The following TACC2 variants were observed in gnomAD, a reference collection of about 807,000 sequenced individuals.
TACC2 encodes the protein transforming acidic coiled-coil containing protein 2, also known as transforming acidic coiled-coil-containing protein 2.
Under a neutral mutation model 227.3 loss-of-function variants are expected in TACC2, and 137 were observed. The observed-to-expected ratio is 0.60, with a 90% CI of 0.52 to 0.69. The LOEUF is 0.69. Among genes scored for constraint, TACC2 ranks in the 30% least tolerant of loss-of-function variants. TACC2 has a pLI of 0.00. For synonymous variants in TACC2, 1,523 were observed against 1,487.5 expected, an observed-to-expected ratio of 1.02 and a Z score of -0.55; for missense variants, 3,470 against 3,694.4, an observed-to-expected ratio of 0.94 and a Z score of 1.57.
At chr10:122,218,047 C>T (rs148354911) in intron 11 of TACC2, among the ~76,000 whole-genome samples, 1,584 of 152,184 alleles carry the variant, frequency 0.01, 26 homozygotes, top group African/African-American at 0.037. Context: ...TGGGTTCAAG[C>T]GATTCTCCTG....
At chr10:122,066,107 T>C (rs2077353363) in intron 3 of TACC2, among the ~76,000 whole-genome samples, 1 of 151,946 alleles carries the variant, frequency 6.6e-6, no homozygotes, top group Non-Finnish European at 1.5e-5. Flanking sequence ...ATACTTTTTT[T>C]TTTTTTTGAG....
chr10:122,150,142 G>A lies in TACC2; in HGVS notation c.5834+6436G>A, dbSNP rs1165330810. 6.6e-6 allele frequency among the ~76,000 whole-genome samples: 1 copy of A among 152,236 alleles called. No individual in the cohort carries two copies. The highest frequency in any genetic ancestry group is 1.5e-5 in the Non-Finnish European group (1 of 68,040). On this transcript the variant is annotated intron_variant, in intron 7 of 22. Transcript: ENST00000369005. The surrounding 1 kb of genome is among the most constrained non-coding windows in gnomAD (Gnocchi z 4.0). ...CTGGGAGGGGAGGGGAAGGAGAGCC[G>A]GCAGCAGCGGGGCTCCCTGGCCCTA... is the stretch of plus-strand genomic sequence containing the variant.
At position 122,237,405 on chromosome 10, in the gene TACC2, C is replaced by T; in HGVS notation, c.8138C>T (p.Ala2713Val). 6.2e-7 allele frequency: 1 copy of T among 1,610,280 alleles called. No individual in the cohort carries two copies. The highest frequency in any genetic ancestry group is 8.5e-7 in the Non-Finnish European group (1 of 1,178,262). The change falls in exon 17 of 23, where the codon GCT becomes GTT. Residue 2713 changes from alanine to valine, a missense_variant. By Grantham distance (64) the Ala-to-Val change is moderately conservative. Transcript: ENST00000369005. The part of the protein sequence containing the change: ...RSHQDAKREA[A>V]HPTDVSISKT... The stretch of plus-strand genomic sequence containing the variant: ...AAAACGATTCCACAGAGAGAGGCTG[C>T]TCACCCAACAGACGTCTCCATCTCC...
intron 7 of TACC2, among the ~76,000 whole-genome samples, chr10:122,181,913 G>A (rs549311928): frequency 1.3e-5 from 2 of 152,288 alleles, no homozygotes; most frequent in South Asian, 4.1e-4. Context: ...TAGAAGAAAG[G>A]AACAAAAGAT....
intron 5 of TACC2, among the ~76,000 whole-genome samples, chr10:122,103,218 A>G (rs2082369218): frequency 6.6e-6 from 1 of 152,126 alleles, no homozygotes; most frequent in African/African-American, 2.4e-5. Context: ...TGACATGTCT[A>G]GAGTATATAA....
At chr10:122,218,250 AAC>A in intron 11 of TACC2, among the ~76,000 whole-genome samples, 1 of 152,156 alleles carries the variant, frequency 6.6e-6, no homozygotes, top group Non-Finnish European at 1.5e-5. Flanking sequence ...ACCGATTTCT[AAC>A]AGTTTTTTTG....
intron 5 of TACC2, among the ~76,000 whole-genome samples, chr10:122,129,057 T>TA (rs756746999): frequency 0.049 from 6,063 of 124,502 alleles, 192 homozygotes; most frequent in South Asian, 0.12. Context: ...TCTATCTTAT[T>TA]TTAATTATTA....
intron 7 of TACC2, among the ~76,000 whole-genome samples, chr10:122,173,105 C>T (rs2093557241): frequency 6.6e-6 from 1 of 152,148 alleles, no homozygotes; most frequent in African/African-American, 2.4e-5. Flanking sequence ...GGGCATATAT[C>T]GCCTGTGCCT....
Position 122,088,518 on chromosome 10 carries a change from C to A in TACC2, c.5500C>A (p.Pro1834Thr). Reference sequence around the variant, plus strand: ...TGGCCCATCCATGTTACCTTCGGTTCCTAAGAAGGATGCTCCAAGAGTCAT... The same window carrying A: ...TGGCCCATCCATGTTACCTTCGGTTACTAAGAAGGATGCTCCAAGAGTCAT... ...RPGPSMLPSV[P>T]KKDAPRVMDK... The change falls in exon 5 of 23, where the codon CCT (proline) becomes ACT (threonine). Residue 1834 changes from proline to threonine, a missense_variant. By Grantham distance (38) the Pro-to-Thr change is conservative. This residue lies in a region of TACC2 where 1,924 missense variants were observed against 1,978.3 expected (regional missense o/e 0.97). Coordinates refer to ENST00000369005, the MANE Select transcript of TACC2 (RefSeq NM_206862.4). 1 of 1,613,720 alleles carries A rather than the reference C, an allele frequency of 6.2e-7. No individual in the cohort carries two copies. Among genetic ancestry groups the A allele is most frequent in the South Asian group, 1.1e-5 (1 of 90,924 alleles).
intron 3 of TACC2, among the ~76,000 whole-genome samples, chr10:122,073,129 ATATATATATAT>A (rs2078323294): frequency 1.8e-5 from 1 of 55,778 alleles, no homozygotes; most frequent in Non-Finnish European, 3.7e-5. Flanking sequence ...AAAAAAAAAT[ATATATATATAT>A]ATATATATAT....
intron 7 of TACC2, chr10:122,192,390 C>T (rs2094439061): frequency 3.6e-6 from 1 of 277,840 alleles, no homozygotes; most frequent in African/African-American, 2.2e-5. Flanking sequence ...CTCCCTGTTG[C>T]TTGCTTGTGC....
intron 8 of TACC2, among the ~76,000 whole-genome samples, chr10:122,206,654 G>T (rs193020284): frequency 1.8e-4 from 27 of 152,302 alleles, no homozygotes; most frequent in African/African-American, 6.3e-4. Flanking sequence ...TGGCAGCCCA[G>T]CAAGCTCATG....
At position 122,241,967 on chromosome 10, in the gene TACC2, G is replaced by A. The variant is rs2096006018; in HGVS notation, c.8358G>A (p.Val2786=). The A allele has an allele frequency of 6.2e-7, 1 of 1,614,016 alleles. No homozygotes were observed. Among genetic ancestry groups the A allele is most frequent in the African/African-American group, 1.3e-5 (1 of 74,910 alleles). The change falls in exon 19 of 23, where the codon GTG becomes GTA. Residue 2786 remains valine (V), a synonymous_variant. Transcript: ENST00000369005. ...TTTACTTCTCTTATAGGAAAATAGT[G>A]GCCGAGTATGAGAAGACCATCGCTC... ...RREVMEMRKI[V]AEYEKTIAQM...
intron 1 of TACC2, among the ~76,000 whole-genome samples, chr10:121,999,550 G>C (rs1954011204): frequency 6.6e-6 from 1 of 152,224 alleles, no homozygotes; most frequent in Non-Finnish European, 1.5e-5. Context: ...TGATATTACT[G>C]TTTGCAGGGC....
At chr10:122,116,718 A>G (rs541042858) in intron 5 of TACC2, among the ~76,000 whole-genome samples, 17 of 152,256 alleles carry the variant, frequency 1.1e-4, no homozygotes, top group African/African-American at 3.6e-4. Context: ...GGGGAGCTCA[A>G]TTTCCTAACA....
chr10:122,208,423 A>C (rs1482901264), intron 8 of TACC2, among the ~76,000 whole-genome samples: 1 of 152,154 alleles, frequency 6.6e-6, no homozygotes. Context: ...CTTGGTAAGC[A>C]CTCTGCAGAA....
At chr10:122,241,066 G>A (rs1279094034) in intron 18 of TACC2, among the ~76,000 whole-genome samples, 1 of 152,202 alleles carries the variant, frequency 6.6e-6, no homozygotes, top group Non-Finnish European at 1.5e-5. Flanking sequence ...GACACCATTT[G>A]AATTGGACCT....
intron 7 of TACC2, among the ~76,000 whole-genome samples, chr10:122,190,256 A>G (rs559257713): frequency 1.3e-5 from 2 of 152,320 alleles, no homozygotes; most frequent in East Asian, 3.9e-4. Flanking sequence ...ATACAGGGAA[A>G]TAGGCTCTTA....
At chr10:122,215,484 GCCC>G in intron 10 of TACC2, 33 bp downstream of exon 10, 1 of 1,578,104 alleles carries the variant, frequency 6.3e-7, no homozygotes. Context: ...ATGGTTTTAT[GCCC>G]CCCCCGGGGG....
Sources: gnomAD v4.1 joint callset for allele counts (sites outside exome capture counted in the v4.1 genomes callset) on GRCh38, gnomAD v4.1.1 for gene constraint, gnomAD v4.1.1 regional missense constraint, Gnocchi (gnomAD v3.1) non-coding constraint, MANE v1.5 for transcripts, NCBI Gene and HGNC (gene_info 2026-07-23, HGNC 2026-07-21) for gene names.